Variants in NUDT4 observed in about 807,000 individuals in gnomAD.
NUDT4 encodes diphosphoinositol polyphosphate phosphohydrolase 2.
Under a neutral mutation model 23.1 loss-of-function variants are expected in NUDT4, and 5 were observed. That is an observed-to-expected ratio of 0.22 (90% CI 0.11 to 0.46). The LOEUF (loss-of-function observed/expected upper bound fraction) is 0.46. NUDT4 is among the 20% of genes least tolerant of loss of function. NUDT4 has a pLI of 0.99. For synonymous variants in NUDT4, 50 were observed against 79.0 expected (o/e 0.63, Z 1.95); for missense variants, 96 against 211.6 (o/e 0.45, Z 3.39).
chr12:93,387,722 A>G (rs1272687200), intron 1 of NUDT4, among the ~76,000 whole-genome samples: 2 of 152,156 alleles, frequency 1.3e-5, no homozygotes, highest in African/African-American at 4.8e-5. Flanking sequence ...CAAGTGCATG[A>G]CAGACCCCAG....
rs1401856338 is a variant in NUDT4, at chr12:93,405,746, GTTTTGCTTTTTATGTTATTTAAAGTA to G, written c.*6369_*6394del. 6.6e-6 allele frequency: 1 copy of G among 152,130 alleles called. No individual in the cohort carries two copies. The highest frequency in any genetic ancestry group is 1.5e-5 in the Non-Finnish European group (1 of 68,028). 9.4% of individuals were successfully genotyped at this position (152,130 alleles called of 1,614,324 possible). ...TCTCTCAAATTATTACATTCAGCAT[GTTTTGCTTTTTATGTTATTTAAAGTA>G]TAAACCCTCATATAATTCCCTAAGA... is the stretch of plus-strand genomic sequence containing the variant. On this transcript the variant is annotated 3_prime_UTR_variant, in exon 5 of 5. Transcript: ENST00000415493.
At chr12:93,387,729 C>T (rs1876211884) in intron 1 of NUDT4, among the ~76,000 whole-genome samples, 1 of 152,090 alleles carries the variant, frequency 6.6e-6, no homozygotes, top group African/African-American at 2.4e-5. Context: ...ATGACAGACC[C>T]CAGGTGATCA....
At position 93,400,197 on chromosome 12, in the gene NUDT4, A is replaced by AGGG. The variant is rs1877282373; in HGVS notation, c.*818_*819insGGG. ...TATCGATACTCTTTCTTTGCAGAAT[A>AGGG]CCTTAGAACCGTTATTTCCCTCAGT... On this transcript the variant is annotated 3_prime_UTR_variant, in exon 5 of 5. Transcript: ENST00000415493. 6.6e-6 allele frequency: 1 copy of AGGG among 152,014 alleles called. No individual in the cohort carries two copies. The highest frequency in any genetic ancestry group is 2.4e-5 in the African/African-American group (1 of 41,324). The allele number at this position is 152,014 out of a possible 1,614,324, so 9.4% of individuals were successfully genotyped here. A position where few individuals can be genotyped will look rare whatever the true frequency, so the allele number is the denominator to read the frequency against.
Position 93,405,628 on chromosome 12 carries a change from T to C in NUDT4, c.*6249T>C, listed in dbSNP as rs1370854765. ...AATATACCTGACTTCCACGATAAAA[T>C]GGAGATGAGTGCAGGGGTGAGTGTA... On this transcript the variant is annotated 3_prime_UTR_variant, in exon 5 of 5. Transcript: ENST00000415493. The C allele has an allele frequency of 6.6e-6, 1 of 152,192 alleles. No homozygotes were observed. The highest frequency in any genetic ancestry group is 1.5e-5 in the Non-Finnish European group (1 of 68,038). 9.4% of individuals were successfully genotyped at this position (152,192 alleles called of 1,614,324 possible).
At chr12:93,387,096 TA>T (rs1876158539) in intron 1 of NUDT4, among the ~76,000 whole-genome samples, 2 of 152,100 alleles carry the variant, frequency 1.3e-5, no homozygotes, top group Non-Finnish European at 2.9e-5. Flanking sequence ...CATGCCCAGC[TA>T]CTTTTTATGT....
intron 1 of NUDT4, among the ~76,000 whole-genome samples, chr12:93,380,324 G>A (rs1875566998): frequency 6.6e-6 from 1 of 152,172 alleles, no homozygotes; most frequent in Non-Finnish European, 1.5e-5. Context: ...GTAAAGCAAA[G>A]ACTGATAGAA....
At chr12:93,398,609 A>G (rs1877113670) in intron 3 of NUDT4, among the ~76,000 whole-genome samples, 162 bp from the exon 4 acceptor site, 2 of 152,336 alleles carry the variant, frequency 1.3e-5, no homozygotes, top group South Asian at 4.1e-4. Context: ...TGTCTTATAT[A>G]AAGTCACTTT....
At chr12:93,398,685 A>G in intron 3 of NUDT4, 86 bp from the exon 4 acceptor site, 1 of 811,310 alleles carries the variant, frequency 1.2e-6, no homozygotes, top group Non-Finnish European at 2.1e-6. Flanking sequence ...AATCAGCAGT[A>G]TGCCAGACTA....
chr12:93,378,950 A>G lies in NUDT4; in HGVS notation c.99+529A>G, dbSNP rs1194611959. On this transcript the variant is annotated intron_variant, in intron 1 of 4. Transcript: ENST00000415493. ...TCTTGGCAATTCTTGTGGGTCCATG[A>G]ACCCGCAAGCTGTTGGCATAATTAT... Among the ~76,000 whole-genome samples the G allele has an allele frequency of 2.6e-5, 4 of 152,298 alleles. 1 individual carries two copies. The highest frequency in any genetic ancestry group is 2.6e-4 in the Admixed American group (4 of 15,292).
intron 4 of NUDT4, 140 bp downstream of exon 4, chr12:93,398,995 T>A: frequency 1.2e-6 from 1 of 800,328 alleles, no homozygotes; most frequent in African/African-American, 1.7e-5. Flanking sequence ...AGATTTTTTT[T>A]TTTTTGGTCA....
intron 1 of NUDT4, among the ~76,000 whole-genome samples, chr12:93,393,316 C>G (rs1462641800): frequency 6.6e-6 from 1 of 151,872 alleles, no homozygotes; most frequent in Admixed American, 6.6e-5. Flanking sequence ...TTTGTCCAGG[C>G]TGGTGTGGAA....
chr12:93,393,038 G>C (rs1302486475), intron 1 of NUDT4, among the ~76,000 whole-genome samples: 2 of 141,202 alleles, frequency 1.4e-5, no homozygotes, highest in Non-Finnish European at 3.1e-5. Flanking sequence ...TAAAATCTAG[G>C]ATACTTGTCT....
Position 93,402,178 on chromosome 12 carries a change from A to G in NUDT4, c.*2799A>G, listed in dbSNP as rs920861566. The G allele has an allele frequency of 6.6e-6, 1 of 152,066 alleles. No individual in the cohort carries two copies. The highest frequency in any genetic ancestry group is 2.4e-5 in the African/African-American group (1 of 41,420). The allele number at this position is 152,066 out of a possible 1,614,324, so 9.4% of individuals were successfully genotyped here. A position where few individuals can be genotyped will look rare whatever the true frequency, so the allele number is the denominator to read the frequency against. ...ACTGAAGGGGAAAAATGATTGTTGT[A>G]TACACTGAATTGCTTTGCATGGTCT... is the stretch of plus-strand genomic sequence containing the variant. On this transcript the variant is annotated 3_prime_UTR_variant, in exon 5 of 5. Transcript: ENST00000415493.
At chr12:93,394,510 A>T (rs1876789573) in intron 1 of NUDT4, 99 bp from the exon 2 acceptor site, 2 of 625,496 alleles carry the variant, frequency 3.2e-6, no homozygotes, top group Admixed American at 2.9e-5. Flanking sequence ...AAATATTTTA[A>T]TCTAGAATAG....
At chr12:93,385,256 A>G (rs537673359) in intron 1 of NUDT4, 1 of 152,222 alleles carries the variant, frequency 6.6e-6, no homozygotes, top group Non-Finnish European at 1.5e-5. Context: ...TTATGCGAAG[A>G]TAGGTTGAAT....
rs74723158 is a variant in NUDT4 at position 93,388,989 on chromosome 12, G to A, written c.100-5620G>A. Among the ~76,000 whole-genome samples the A allele has an allele frequency of 7.6e-3, 1,160 of 152,328 alleles. 8 individuals are homozygous for A. Among genetic ancestry groups the A allele is most frequent in the Middle Eastern group, 0.014 (4 of 294 alleles). On this transcript the variant is annotated intron_variant, in intron 1 of 4. Transcript: ENST00000415493. ...TAATTGGCAGATCAAGGGCCCAGAG[G>A]AGCCCAATTCTATCTGCAGGTTTGT...
At position 93,400,933 on chromosome 12, in the gene NUDT4, A is replaced by C. The variant is rs1420571667; in HGVS notation, c.*1554A>C. 1 of 152,350 alleles carries C rather than the reference A, an allele frequency of 6.6e-6. No homozygotes were observed. The highest frequency in any genetic ancestry group is 2.4e-5 in the African/African-American group (1 of 41,494). The allele number at this position is 152,350 out of a possible 1,614,324, so 9.4% of individuals were successfully genotyped here. A position where few individuals can be genotyped will look rare whatever the true frequency, so the allele number is the denominator to read the frequency against. On this transcript the variant is annotated 3_prime_UTR_variant, in exon 5 of 5. Transcript: ENST00000415493. ...AAGATCATTTTTTTATATAGACTTCAGCCCTTTGTAAATATTGTAACTGGG... is the reference window on the plus strand; with the variant it reads ...AAGATCATTTTTTTATATAGACTTCCGCCCTTTGTAAATATTGTAACTGGG...
In NUDT4 at chr12:93,407,672, A is replaced by C. The variant is rs1877891482; in HGVS notation, c.*8293A>C. The C allele has an allele frequency of 6.6e-6, 1 of 152,192 alleles. No homozygotes were observed. The highest frequency in any genetic ancestry group is 6.5e-5 in the Admixed American group (1 of 15,276). 9.4% of individuals were successfully genotyped at this position (152,192 alleles called of 1,614,324 possible). ...TTACCCGAATTCTGGATTTTCATGC[A>C]AATCTCCCAATTTTTAAAAATGTTG... On this transcript the variant is annotated 3_prime_UTR_variant, in exon 5 of 5. Transcript: ENST00000415493.
intron 1 of NUDT4, among the ~76,000 whole-genome samples, chr12:93,385,471 T>C (rs1875987846): frequency 6.6e-6 from 1 of 152,174 alleles, no homozygotes; most frequent in Non-Finnish European, 1.5e-5. Context: ...CAGACCAGTA[T>C]CTTGATGGAT....
Sources: gnomAD v4.1 joint callset for allele counts (sites outside exome capture counted in the v4.1 genomes callset) on GRCh38, gnomAD v4.1.1 for gene constraint, MANE v1.5 for transcripts, NCBI Gene and HGNC (gene_info 2026-07-23, HGNC 2026-07-21) for gene names.